Variants in PPP2R3A observed in about 807,000 individuals in gnomAD.
PPP2R3A encodes the protein protein phosphatase 2 regulatory subunit B''alpha.
In PPP2R3A, 80 loss-of-function variants were observed where a neutral mutation model predicts 106.9. That is an observed-to-expected ratio of 0.75 (90% confidence interval 0.62 to 0.90). PPP2R3A has a LOEUF of 0.90. Among genes scored for constraint, PPP2R3A ranks in the 40% least tolerant of loss-of-function variants. The pLI is 0.00. For synonymous variants in PPP2R3A, 483 were observed against 468.3 expected (o/e 1.03, Z -0.41); for missense variants, 1,386 against 1,350.4 (o/e 1.03, Z -0.41).
At chr3:136,141,721 C>T (rs1395164487) in intron 13 of PPP2R3A, among the ~76,000 whole-genome samples, 2 of 152,126 alleles carry the variant, frequency 1.3e-5, no homozygotes, top group Non-Finnish European at 2.9e-5. Context: ...GGTCCCAAGA[C>T]CATAACCTAT....
At position 136,101,992 on chromosome 3, in the gene PPP2R3A, G is replaced by A. The variant is rs1209985078; in HGVS notation, c.2928-15G>A. 7.5e-6 allele frequency: 12 copies of A among 1,606,878 alleles called. No individual in the cohort carries two copies. The highest frequency in any genetic ancestry group is 1.0e-5 in the Non-Finnish European group (12 of 1,174,934). ...CTTTACCAGGCCCATGATAATGATTGTCCTTATCATCTAGCATTGAGTATT... is the reference window on the plus strand; with the variant it reads ...CTTTACCAGGCCCATGATAATGATTATCCTTATCATCTAGCATTGAGTATT... On this transcript the variant is annotated splice_polypyrimidine_tract_variant and intron_variant, in intron 10 of 13. Coordinates refer to ENST00000264977, the MANE Select transcript of PPP2R3A (RefSeq NM_002718.5).
chr3:136,001,653 G>T lies in PPP2R3A; in HGVS notation c.155G>T (p.Cys52Phe), dbSNP rs1933626177. 1 of 1,614,046 alleles carries T rather than the reference G, an allele frequency of 6.2e-7. No homozygotes were observed. The highest frequency in any genetic ancestry group is 1.7e-5 in the Admixed American group (1 of 59,986). ...TGCATTGTGGTACACCATAGTGTTT[G>T]TGCAGACCTCTTGCACATCCCTGTG... ...IDCIVVHHSVCADLLHIPVSQ... is the reference protein window; with the variant it reads ...IDCIVVHHSVFADLLHIPVSQ... The change falls in exon 2 of 14, where the codon TGT becomes TTT. Residue 52 changes from cysteine to phenylalanine, a missense_variant. By Grantham distance (205) the Cys-to-Phe change is radical. Transcript: ENST00000264977.
intron 13 of PPP2R3A, among the ~76,000 whole-genome samples, chr3:136,115,343 T>A (rs561838765): frequency 6.6e-6 from 1 of 152,018 alleles, no homozygotes; most frequent in Non-Finnish European, 1.5e-5. Context: ...CCTCTTCTCC[T>A]CCAAAGGATC....
chr3:136,023,168 T>C, intron 2 of PPP2R3A: 2 of 1,613,498 alleles, frequency 1.2e-6, no homozygotes, highest in Non-Finnish European at 1.7e-6. Flanking sequence ...CTTCACGGTT[T>C]AAGAAGCGGC....
chr3:136,083,441 C>T (rs1329867614), intron 8 of PPP2R3A, among the ~76,000 whole-genome samples: 1 of 152,174 alleles, frequency 6.6e-6, no homozygotes, highest in African/African-American at 2.4e-5. Flanking sequence ...TGTTGCTTCT[C>T]CTTTGCCTTC....
intron 9 of PPP2R3A, among the ~76,000 whole-genome samples, chr3:136,089,767 CTCTGATT>C (rs1274239552): frequency 1.3e-5 from 2 of 152,044 alleles, no homozygotes; most frequent in Admixed American, 6.6e-5. Context: ...TTTGTGTTAT[CTCTGATT>C]TCTTTCAGCA....
chr3:136,130,710 T>C (rs1339396365), intron 13 of PPP2R3A, among the ~76,000 whole-genome samples: 1 of 152,194 alleles, frequency 6.6e-6, no homozygotes, highest in Non-Finnish European at 1.5e-5. Context: ...AAGACAATCC[T>C]AAGCAAAAAG....
chr3:136,099,111 G>A (rs1421787309), intron 10 of PPP2R3A, among the ~76,000 whole-genome samples: 1 of 152,158 alleles, frequency 6.6e-6, no homozygotes, highest in Non-Finnish European at 1.5e-5. Context: ...CTCCAAGCAA[G>A]AAACTGAAAT....
intron 1 of PPP2R3A, among the ~76,000 whole-genome samples, chr3:135,993,554 T>G (rs1241870323): frequency 6.6e-6 from 1 of 152,198 alleles, no homozygotes; most frequent in African/African-American, 2.4e-5. Context: ...CCAAAAGAAA[T>G]GAACACATAT....
intron 13 of PPP2R3A, among the ~76,000 whole-genome samples, chr3:136,123,474 G>T (rs1040647702): frequency 7.2e-5 from 11 of 152,138 alleles, no homozygotes; most frequent in Admixed American, 7.2e-4. Flanking sequence ...ATTATTTATA[G>T]ATTTGAGTAA....
chr3:135,997,379 G>A (rs575150398), intron 1 of PPP2R3A, among the ~76,000 whole-genome samples: 6 of 152,218 alleles, frequency 3.9e-5, no homozygotes, highest in Admixed American at 6.5e-5. Context: ...TGGTTTTCTT[G>A]TTATCTTTTT....
chr3:136,040,791 T>C, intron 3 of PPP2R3A, 68 bp from the exon 4 acceptor site: 1 of 1,347,586 alleles, frequency 7.4e-7, no homozygotes, highest in Non-Finnish European at 1.0e-6. Flanking sequence ...GCCACAAAGA[T>C]CTTTTCTTTG....
chr3:136,079,888 G>A lies in PPP2R3A; in HGVS notation c.2631+1435G>A, dbSNP rs6774621. Among the ~76,000 whole-genome samples, 123 of 151,494 alleles carry A rather than the reference G, an allele frequency of 8.1e-4. 1 individual carries two copies. The highest frequency in any genetic ancestry group is 2.2e-4 in the Non-Finnish European group (15 of 67,860). ...CTAGAGCATGATTTATTTTCTCCTC[G>A]CTTTCCTTCCCTGCCCCTTTCCTTA... On this transcript the variant is annotated intron_variant, in intron 7 of 13. Transcript: ENST00000264977.
At chr3:135,975,730 G>C (rs1478582011) in intron 1 of PPP2R3A, among the ~76,000 whole-genome samples, 1 of 152,134 alleles carries the variant, frequency 6.6e-6, no homozygotes, top group Non-Finnish European at 1.5e-5. Context: ...ATATTGCATA[G>C]ATTCTGAAAG....
intron 1 of PPP2R3A, among the ~76,000 whole-genome samples, chr3:135,995,293 C>T (rs1157768000): frequency 6.6e-6 from 1 of 152,046 alleles, no homozygotes; most frequent in Non-Finnish European, 1.5e-5. Context: ...GATGTTTAGA[C>T]TGAAAATTTT....
intron 13 of PPP2R3A, among the ~76,000 whole-genome samples, chr3:136,109,068 G>A (rs1576317258): frequency 6.6e-6 from 1 of 152,216 alleles, no homozygotes; most frequent in East Asian, 1.9e-4. Flanking sequence ...TAGAAATGAG[G>A]CTAAACAACT....
intron 1 of PPP2R3A, among the ~76,000 whole-genome samples, chr3:135,997,188 A>C (rs1029359838): frequency 1.3e-5 from 2 of 152,214 alleles, no homozygotes; most frequent in Non-Finnish European, 2.9e-5. Context: ...TGGAAAATCT[A>C]GTCTACCTAC....
At chr3:136,070,100 A>G (rs1007366098) in intron 5 of PPP2R3A, among the ~76,000 whole-genome samples, 1 of 152,176 alleles carries the variant, frequency 6.6e-6, no homozygotes, top group Non-Finnish European at 1.5e-5. Flanking sequence ...ATTGGCTTGC[A>G]TCTACTGTCC....
At position 136,002,015 on chromosome 3, in the gene PPP2R3A, T is replaced by C. The variant is rs1933643622; in HGVS notation, c.517T>C (p.Ser173Pro). 1.9e-6 allele frequency: 3 copies of C among 1,614,000 alleles called. No individual in the cohort carries two copies. The highest frequency in any genetic ancestry group is 2.5e-6 in the Non-Finnish European group (3 of 1,180,008). Residue 173 changes from serine to proline, a missense_variant, in exon 2 of 14, where the codon TCC becomes CCC. By Grantham distance (74) the Ser-to-Pro change is moderately conservative. Transcript: ENST00000264977. Reference protein sequence around the residue: ...GHYNNDGNAPSFGLLRSSSVE... With the variant: ...GHYNNDGNAPPFGLLRSSSVE... ...TTATAACAACGATGGGAACGCCCCA[T>C]CCTTTGGTTTACTGCGGAGTTCCTC... is the stretch of plus-strand genomic sequence containing the variant.
Sources: gnomAD v4.1 joint callset for allele counts (sites outside exome capture counted in the v4.1 genomes callset) on GRCh38, gnomAD v4.1.1 for gene constraint, MANE v1.5 for transcripts, NCBI Gene and HGNC (gene_info 2026-07-23, HGNC 2026-07-21) for gene names.